Variants in L3MBTL4 observed in about 807,000 individuals in gnomAD.
The protein encoded by L3MBTL4 is lethal(3)malignant brain tumor-like protein 4.
In L3MBTL4, 70 loss-of-function variants were observed where a neutral mutation model predicts 84.5. The ratio of observed to expected loss-of-function variants is 0.83; its 90% CI spans 0.68 to 1.01. The LOEUF (loss-of-function observed/expected upper bound fraction) is 1.01, where lower values mean the gene tolerates loss of function less well. Ranked by LOEUF, L3MBTL4 falls within the 50% of genes least tolerant of loss-of-function variation. L3MBTL4 has a pLI of 0.00. For missense variants in L3MBTL4, 715 were observed against 754.8 expected, an observed-to-expected ratio of 0.95 and a Z score of 0.62; for synonymous variants, 274 against 259.8, an observed-to-expected ratio of 1.05 and a Z score of -0.52.
chr18:6,366,198 G>A (rs2053927949), intron 1 of L3MBTL4, among the ~76,000 whole-genome samples: 1 of 152,034 alleles, frequency 6.6e-6, no homozygotes, highest in Admixed American at 6.6e-5. Flanking sequence ...CCTCCATATA[G>A]AACAGACAAG....
intron 1 of L3MBTL4, among the ~76,000 whole-genome samples, chr18:6,318,303 T>C (rs1362956661): frequency 6.6e-6 from 1 of 151,860 alleles, no homozygotes; most frequent in African/African-American, 2.4e-5. Context: ...ACTTAAAAGA[T>C]ACAGATTGGC....
intron 14 of L3MBTL4, among the ~76,000 whole-genome samples, chr18:6,103,722 C>A (rs922152037): frequency 6.6e-6 from 1 of 152,104 alleles, no homozygotes; most frequent in African/African-American, 2.4e-5. Flanking sequence ...TATGTATACC[C>A]GCAAGCATCT....
In L3MBTL4 at chr18:6,071,811, G is replaced by GA. The variant is rs879762677; in HGVS notation, c.1444+9069dup. 1.8e-3 allele frequency among the ~76,000 whole-genome samples: 239 copies of GA among 134,362 alleles called. 3 individuals carry two copies. The highest frequency in any genetic ancestry group is 3.4e-3 in the Admixed American group (46 of 13,702). 88.1% of individuals were successfully genotyped at this position (134,362 alleles called of 152,430 possible). ...AAAGAAAGAAAGAAAGAAAAAGAAA[G>GA]AAAGGAAAGAAAGAAAGAAAGAAAG... is the stretch of plus-strand genomic sequence containing the variant. On this transcript the variant is annotated intron_variant, in intron 16 of 18. Coordinates refer to ENST00000317931, the MANE Select transcript of L3MBTL4 (RefSeq NM_001330559.2).
At chr18:6,118,993 CTTTTTTTTTT>C (rs779523685) in intron 14 of L3MBTL4, among the ~76,000 whole-genome samples, 6 of 83,712 alleles carry the variant, frequency 7.2e-5, no homozygotes, top group African/African-American at 1.9e-4. Context: ...TTTTTGGTTT[CTTTTTTTTTT>C]TTTTTTTTTT....
chr18:6,232,621 T>A (rs1275558685), intron 10 of L3MBTL4, among the ~76,000 whole-genome samples: 1 of 152,086 alleles, frequency 6.6e-6, no homozygotes, highest in Non-Finnish European at 1.5e-5. Flanking sequence ...GCAGGAGTCA[T>A]GAATAAAATG....
intron 1 of L3MBTL4, among the ~76,000 whole-genome samples, chr18:6,401,484 A>G (rs1174229113): frequency 6.6e-6 from 1 of 152,300 alleles, no homozygotes; most frequent in African/African-American, 2.4e-5. Flanking sequence ...AAACCACGAA[A>G]AGTGCACAGG....
intron 9 of L3MBTL4, among the ~76,000 whole-genome samples, chr18:6,238,803 A>G (rs1289692616): frequency 6.6e-6 from 1 of 152,122 alleles, no homozygotes; most frequent in Admixed American, 6.5e-5. Flanking sequence ...GACAGGGCCC[A>G]TCAGGCACAT....
Position 6,355,170 on chromosome 18 carries a change from G to T in L3MBTL4, c.-90-43114C>A, listed in dbSNP as rs561331853. Among the ~76,000 whole-genome samples the T allele has an allele frequency of 1.7e-4, 26 of 152,166 alleles. 1 individual carries two copies. The South Asian group carries it at 5.4e-3, about 32-fold the overall frequency. On this transcript the variant is annotated intron_variant, in intron 1 of 18. Transcript: ENST00000317931. ...ACTGGAAGTCACTATGCTTTTTTAT[G>T]TTTTTTAAATAACAATATGGATTGT...
intron 13 of L3MBTL4, among the ~76,000 whole-genome samples, chr18:6,171,280 A>T (rs942687698): frequency 6.6e-6 from 1 of 152,214 alleles, no homozygotes; most frequent in South Asian, 2.1e-4. Context: ...AGACAAAAAA[A>T]TAAGGTATTT....
chr18:6,242,312 C>T (rs971917974), intron 7 of L3MBTL4, among the ~76,000 whole-genome samples: 1 of 152,168 alleles, frequency 6.6e-6, no homozygotes, highest in African/African-American at 2.4e-5. Context: ...GTCATTTCAC[C>T]CACGTCTCTT....
intron 1 of L3MBTL4, among the ~76,000 whole-genome samples, chr18:6,337,066 A>C (rs1638504836): frequency 6.6e-6 from 1 of 152,220 alleles, no homozygotes; most frequent in South Asian, 2.1e-4. Context: ...AGTAATCTGC[A>C]TAACAAGTCA....
At chr18:5,990,776 T>G (rs903946825) in intron 16 of L3MBTL4, among the ~76,000 whole-genome samples, 1 of 150,936 alleles carries the variant, frequency 6.6e-6, no homozygotes, top group African/African-American at 2.4e-5. Flanking sequence ...TGTGGGTGTG[T>G]GTGTGTGTGT....
chr18:6,150,745 C>G (rs146404031), intron 13 of L3MBTL4, among the ~76,000 whole-genome samples: 88 of 152,304 alleles, frequency 5.8e-4, no homozygotes, highest in Non-Finnish European at 1.0e-3. Context: ...CTAACTGAGT[C>G]TCAGTGTTAG....
intron 12 of L3MBTL4, among the ~76,000 whole-genome samples, chr18:6,183,449 C>G (rs1304473229): frequency 1.3e-5 from 2 of 152,192 alleles, no homozygotes; most frequent in Non-Finnish European, 2.9e-5. Context: ...TAACTGTTCA[C>G]CAGGCCTCTA....
At chr18:6,203,720 CA>C (rs2045749288) in intron 12 of L3MBTL4, among the ~76,000 whole-genome samples, 1 of 152,196 alleles carries the variant, frequency 6.6e-6, no homozygotes, top group Non-Finnish European at 1.5e-5. Context: ...AGTGCACATA[CA>C]AACCAGGTGG....
At chr18:6,321,688 A>G (rs1451187889) in intron 1 of L3MBTL4, among the ~76,000 whole-genome samples, 2 of 152,230 alleles carry the variant, frequency 1.3e-5, no homozygotes, top group African/African-American at 4.8e-5. Context: ...AAAATGTGGT[A>G]TATATACACC....
chr18:5,955,457 C>G lies in L3MBTL4; in HGVS notation c.*763G>C, dbSNP rs2095221730. 6.6e-6 allele frequency: 1 copy of G among 152,232 alleles called. No homozygotes were observed. The highest frequency in any genetic ancestry group is 2.4e-5 in the African/African-American group (1 of 41,420). 9.4% of individuals were successfully genotyped at this position (152,232 alleles called of 1,614,324 possible). On this transcript the variant is annotated 3_prime_UTR_variant, in exon 19 of 19. Coordinates refer to ENST00000317931, the MANE Select transcript of L3MBTL4 (RefSeq NM_001330559.2). The stretch of plus-strand genomic sequence containing the variant: ...GTGAGCGTCTGGCCCAGCAGCCACA[C>G]CAGTGTTAGGACAGGGTCCCCTGAG...
At chr18:6,134,991 T>G (rs1330611171) in intron 14 of L3MBTL4, among the ~76,000 whole-genome samples, 1 of 152,184 alleles carries the variant, frequency 6.6e-6, no homozygotes, top group Admixed American at 6.5e-5. Flanking sequence ...GCAGCAAACT[T>G]TTGCTTGGGC....
intron 13 of L3MBTL4, among the ~76,000 whole-genome samples, chr18:6,148,744 T>G (rs2042759588): frequency 6.6e-6 from 1 of 152,100 alleles, no homozygotes; most frequent in Non-Finnish European, 1.5e-5. Flanking sequence ...AAGCACAGAA[T>G]TTTAAGAATA....
Sources: allele counts gnomAD v4.1 joint callset (sites outside exome capture counted in the v4.1 genomes callset), GRCh38; gene constraint gnomAD v4.1.1; transcripts MANE v1.5; gene names NCBI Gene and HGNC (gene_info 2026-07-23, HGNC 2026-07-21).